The following P3H2 variants were observed in gnomAD, a reference collection of about 807,000 sequenced individuals.
P3H2 encodes the protein leprecan-like 1.
In P3H2, 80 loss-of-function variants were observed where a neutral mutation model predicts 87.0. The observed-to-expected ratio is 0.92, with a 90% CI of 0.77 to 1.11. The LOEUF (loss-of-function observed/expected upper bound fraction) is 1.11, where lower values mean the gene tolerates loss of function less well. Among genes scored for constraint, P3H2 ranks in the 50% least tolerant of loss-of-function variants. The probability of loss-of-function intolerance (pLI) is 0.00; values close to 1 mark genes in which losing one functional copy is unlikely to be tolerated. For missense variants in P3H2, 1,001 were observed against 923.9 expected (o/e 1.08, Z -1.08); for synonymous variants, 367 against 359.3 (o/e 1.02, Z -0.24).
chr3:190,111,122 A>G (rs1712053591), intron 1 of P3H2, among the ~76,000 whole-genome samples: 1 of 152,234 alleles, frequency 6.6e-6, no homozygotes, highest in South Asian at 2.1e-4. Context: ...CTAACTGGGA[A>G]ACAGCATTGA....
intron 1 of P3H2, among the ~76,000 whole-genome samples, chr3:189,999,276 C>T (rs1206703241): frequency 1.3e-5 from 2 of 152,104 alleles, no homozygotes; most frequent in African/African-American, 2.4e-5. Context: ...ATTGAAGATA[C>T]TACAATCTAT....
chr3:189,962,674 C>G (rs1722853323), intron 14 of P3H2, among the ~76,000 whole-genome samples: 1 of 152,102 alleles, frequency 6.6e-6, no homozygotes. Context: ...GCAGAGTTTC[C>G]AAGGCAGATA....
intron 8 of P3H2, among the ~76,000 whole-genome samples, chr3:189,976,446 A>C (rs1723351608): frequency 6.6e-6 from 1 of 152,140 alleles, no homozygotes. Flanking sequence ...CGTTTATAAA[A>C]CCATCAGATC....
intron 1 of P3H2, among the ~76,000 whole-genome samples, chr3:190,069,373 G>C (rs1201705471): frequency 2.0e-5 from 3 of 152,058 alleles, no homozygotes; most frequent in Non-Finnish European, 4.4e-5. Context: ...TTCAGGACTA[G>C]AAAAAATGGA....
At chr3:190,075,644 G>A (rs1006052524) in intron 1 of P3H2, among the ~76,000 whole-genome samples, 1 of 152,138 alleles carries the variant, frequency 6.6e-6, no homozygotes, top group African/African-American at 2.4e-5. Flanking sequence ...CACTGGAGAA[G>A]TGCCTTGAAA....
chr3:190,018,280 A>G (rs1441799176), intron 1 of P3H2, among the ~76,000 whole-genome samples: 1 of 152,218 alleles, frequency 6.6e-6, no homozygotes, highest in Non-Finnish European at 1.5e-5. Context: ...AATAATAATA[A>G]TAACAAAATC....
intron 1 of P3H2, among the ~76,000 whole-genome samples, chr3:190,115,386 C>CA (rs2108526515): frequency 7.2e-6 from 1 of 138,100 alleles, no homozygotes; most frequent in Non-Finnish European, 1.6e-5. Flanking sequence ...AAATAAACAG[C>CA]ATTTTTTTTT....
chr3:189,974,745 A>G, intron 8 of P3H2, 60 bp from the exon 9 acceptor site: 1 of 1,601,836 alleles, frequency 6.2e-7, no homozygotes, highest in Non-Finnish European at 8.6e-7. Flanking sequence ...GGAAGCACAG[A>G]ATACCAAACA....
At chr3:190,028,539 G>C (rs1725153527) in intron 1 of P3H2, among the ~76,000 whole-genome samples, 1 of 152,194 alleles carries the variant, frequency 6.6e-6, no homozygotes. Flanking sequence ...AGTAGCCACA[G>C]ATCAGAAGCC....
intron 13 of P3H2, among the ~76,000 whole-genome samples, chr3:189,966,766 A>G (rs1436557961): frequency 6.6e-6 from 1 of 152,250 alleles, no homozygotes; most frequent in Non-Finnish European, 1.5e-5. Flanking sequence ...CAAGTCTCAC[A>G]AACAAATGCC....
chr3:190,087,791 GGAA>G (rs1560395697), intron 1 of P3H2, among the ~76,000 whole-genome samples: 1 of 152,080 alleles, frequency 6.6e-6, no homozygotes, highest in East Asian at 1.9e-4. Context: ...AAGCAAAAGT[GGAA>G]GAAGGAAGAC....
chr3:190,025,246 T>C (rs960802955), intron 1 of P3H2, among the ~76,000 whole-genome samples: 7 of 152,182 alleles, frequency 4.6e-5, no homozygotes, highest in Non-Finnish European at 8.8e-5. Context: ...AGACCGTAAC[T>C]TTTCATCCTT....
intron 1 of P3H2, among the ~76,000 whole-genome samples, chr3:190,006,530 C>T (rs578063521): frequency 1.3e-3 from 194 of 152,258 alleles, no homozygotes; most frequent in Middle Eastern, 3.4e-3. Flanking sequence ...TGACAGGATC[C>T]TAATCTTTTA....
At chr3:190,099,200 A>G (rs1247707877) in intron 1 of P3H2, among the ~76,000 whole-genome samples, 1 of 152,206 alleles carries the variant, frequency 6.6e-6, no homozygotes, top group Non-Finnish European at 1.5e-5. Flanking sequence ...AGAAGCTAGT[A>G]AAAAATGCCT....
At position 189,979,569 on chromosome 3, in the gene P3H2, T is replaced by C. The variant is rs182904475; in HGVS notation, c.1324+3477A>G. ...TGTGGAGCATATCAGAATAAGATAA[T>C]CCCAGAGACTAAGCCTCCTGATTCC... On this transcript the variant is annotated intron_variant, in intron 8 of 14. Transcript: ENST00000319332. Among the ~76,000 whole-genome samples, 469 of 152,202 alleles carry C rather than the reference T, an allele frequency of 3.1e-3. 3 individuals carry two copies. The highest frequency in any genetic ancestry group is 0.011 in the African/African-American group (452 of 41,546).
intron 1 of P3H2, among the ~76,000 whole-genome samples, chr3:190,003,148 C>G (rs936344710): frequency 2.6e-5 from 4 of 152,128 alleles, no homozygotes; most frequent in Non-Finnish European, 4.4e-5. Flanking sequence ...GAAGAATGAA[C>G]ATGCTTTCTT....
intron 10 of P3H2, chr3:189,973,295 T>G: frequency 2.7e-5 from 10 of 372,326 alleles, no homozygotes; most frequent in Admixed American, 8.1e-5. Context: ...CTTCCTGCAG[T>G]AGAGAATAAT....
intron 14 of P3H2, among the ~76,000 whole-genome samples, chr3:189,959,185 CT>C (rs1289042440): frequency 6.6e-6 from 1 of 151,020 alleles, no homozygotes; most frequent in Non-Finnish European, 1.5e-5. Context: ...TTCAGGTCTA[CT>C]TTTCTTGGTG....
At chr3:190,102,019 C>T (rs575445662) in intron 1 of P3H2, among the ~76,000 whole-genome samples, 11 of 152,282 alleles carry the variant, frequency 7.2e-5, no homozygotes, top group African/African-American at 2.6e-4. Flanking sequence ...GACTGGATGA[C>T]ATCATATCTG....
Sources: allele counts gnomAD v4.1 joint callset (sites outside exome capture counted in the v4.1 genomes callset), GRCh38; gene constraint gnomAD v4.1.1; transcripts MANE v1.5; gene names NCBI Gene and HGNC (gene_info 2026-07-23, HGNC 2026-07-21).